CLIP3: variants seen among roughly 807,000 people sequenced by gnomAD.
CLIP3 encodes CAP-Gly domain-containing linker protein 3.
A neutral mutation model predicts 59.4 loss-of-function variants in CLIP3; 15 were observed. The ratio of observed to expected loss-of-function variants is 0.25; its 90% CI spans 0.17 to 0.39. The LOEUF is 0.39. Ranked by LOEUF, CLIP3 falls within the 10% of genes least tolerant of loss-of-function variation. The probability of loss-of-function intolerance (pLI) is 1.00; values close to 1 mark genes in which losing one functional copy is unlikely to be tolerated. For synonymous variants in CLIP3, 300 were observed against 321.6 expected, an observed-to-expected ratio of 0.93 and a Z score of 0.72; for missense variants, 495 against 765.7, an observed-to-expected ratio of 0.65 and a Z score of 4.17.
chr19:36,027,092 A>G (rs200373408), intron 3 of CLIP3, 40 bp downstream of exon 3: 6 of 1,592,954 alleles, frequency 3.8e-6, no homozygotes, highest in East Asian at 2.2e-5. Flanking sequence ...CATGTGGGGA[A>G]CCGCATCCCC....
intron 7 of CLIP3, among the ~76,000 whole-genome samples, chr19:36,021,553 A>G (rs1372324135): frequency 6.6e-6 from 1 of 152,062 alleles, no homozygotes; most frequent in Non-Finnish European, 1.5e-5. Flanking sequence ...CCTCCCAAGT[A>G]GCTAGGACTA....
chr19:36,024,657 C>G lies in CLIP3; in HGVS notation c.682-25G>C, dbSNP rs780137994. On this transcript the variant is annotated intron_variant, in intron 6 of 13. Transcript: ENST00000360535. ...TCTGGGGGCCAATGGGAAAAGAAGG[C>G]AGGGACTCAGTGGCACAGGTCACAC... is the stretch of plus-strand genomic sequence containing the variant. 1.9e-6 allele frequency: 3 copies of G among 1,608,824 alleles called. No homozygotes were observed. In the East Asian group the frequency reaches 6.7e-5, roughly 36 times the overall value.
intron 7 of CLIP3, 88 bp from the exon 8 acceptor site, chr19:36,019,394 A>C: frequency 2.6e-6 from 4 of 1,513,254 alleles, no homozygotes; most frequent in Non-Finnish European, 3.6e-6. Context: ...GGTGGGTTGC[A>C]TGAGGCCGCC....
At chr19:36,017,813 C>G in intron 10 of CLIP3, 35 bp from the exon 11 acceptor site, 12 of 1,614,152 alleles carry the variant, frequency 7.4e-6, no homozygotes, top group Non-Finnish European at 1.0e-5. Context: ...TCTCAAGGCC[C>G]TGCCTGCCTC....
rs1268373023 is a variant in CLIP3 at position 36,032,444 on chromosome 19, G to C, written c.-58-29C>G. ...GAGGCAGAGGTCAGCTGGAGAGGGT[G>C]CCCGGCAGGCTCCAGGGTCCAAGCC... On this transcript the variant is annotated intron_variant, in intron 1 of 13. Transcript: ENST00000360535. The surrounding 1 kb of genome is among the most constrained non-coding windows in gnomAD (Gnocchi z 4.3). 5 of 586,484 alleles carry C rather than the reference G, an allele frequency of 8.5e-6. No individual in the cohort carries two copies. The highest frequency in any genetic ancestry group is 1.9e-5 in the African/African-American group (1 of 52,240). 36.3% of individuals were successfully genotyped at this position (586,484 alleles called of 1,614,324 possible).
At chr19:36,019,087 C>T in intron 8 of CLIP3, 61 bp from the exon 9 acceptor site, 4 of 1,597,432 alleles carry the variant, frequency 2.5e-6, no homozygotes, top group Non-Finnish European at 2.6e-6. Flanking sequence ...CCCCATCCTC[C>T]ATCCCCTATT....
chr19:36,028,701 CAA>C (rs1276989705), intron 2 of CLIP3, among the ~76,000 whole-genome samples: 1 of 152,140 alleles, frequency 6.6e-6, no homozygotes, highest in Non-Finnish European at 1.5e-5. Flanking sequence ...GAGTACAGAC[CAA>C]AGTCTTCCCC....
At chr19:36,019,116 G>C (rs1968883169) in intron 8 of CLIP3, 55 bp downstream of exon 8, 11 of 1,609,730 alleles carry the variant, frequency 6.8e-6, no homozygotes, top group Non-Finnish European at 9.3e-6. Flanking sequence ...AGCAGCATCA[G>C]AACTGCCGAG....
intron 7 of CLIP3, among the ~76,000 whole-genome samples, chr19:36,020,657 G>A (rs1968929251): frequency 6.6e-6 from 1 of 152,076 alleles, no homozygotes; most frequent in Non-Finnish European, 1.5e-5. Flanking sequence ...AATTAAAAAT[G>A]CATTTCCCCA....
intron 2 of CLIP3, among the ~76,000 whole-genome samples, chr19:36,029,197 G>A (rs969265532): frequency 1.3e-5 from 2 of 149,594 alleles, no homozygotes; most frequent in African/African-American, 4.9e-5. Flanking sequence ...GTGAGTGCCT[G>A]TAATCCCAGC....
Position 36,024,557 on chromosome 19 carries a change from G to C in CLIP3, c.757C>G (p.Leu253Val), listed in dbSNP as rs1276217491. ...AGCGTCCGCAGCTCCTTGGCCACCA[G>C]TGCCGCCTCTGCCTTGTCCAGGGAC... ...DMSLDKAEAA[L>V]VAKELRTLLE... The change falls in exon 7 of 14, where the codon CTG becomes GTG. Residue 253 changes from leucine to valine, a missense_variant. Leu to Val is a conservative substitution (Grantham distance 32). Coordinates refer to ENST00000360535, the MANE Select transcript of CLIP3 (RefSeq NM_015526.3). The C allele has an allele frequency of 5.3e-5, 85 of 1,614,246 alleles. No individual in the cohort carries two copies. The highest frequency in any genetic ancestry group is 7.2e-5 in the Non-Finnish European group (85 of 1,180,042).
At chr19:36,017,821 C>T in intron 10 of CLIP3, 27 bp downstream of exon 10, 1 of 1,614,170 alleles carries the variant, frequency 6.2e-7, no homozygotes, top group South Asian at 1.1e-5. Context: ...CCCTGCCTGC[C>T]TCCCGGCCCA....
In CLIP3 at chr19:36,032,213, C is replaced by T; in HGVS notation, c.145G>A (p.Ala49Thr). The T allele has an allele frequency of 7.7e-7, 1 of 1,294,476 alleles. No individual in the cohort carries two copies. The allele number at this position is 1,294,476 out of a possible 1,614,324, so 80.2% of individuals were successfully genotyped here. ...TTACCGTAGTCCTTAGGGAGGGGGG[C>T]AGGTGCCGAGGGGTGCACAACAGGC... ...QKPVVHPSAP[A>T]PLPKDYAFTF... Residue 49 changes from alanine (A) to threonine (T), a missense_variant, in exon 2 of 14, where the codon GCC becomes ACC. Transcript: ENST00000360535. This position sits in a 1 kb window ranked among gnomAD's most constrained non-coding sequence, Gnocchi z 4.3.
rs1162430620 is a variant in CLIP3, at chr19:36,016,606, C to T, written c.1589+301G>A. Among the ~76,000 whole-genome samples the T allele has an allele frequency of 1.3e-5, 2 of 152,200 alleles. No individual in the cohort carries two copies. The highest frequency in any genetic ancestry group is 2.4e-5 in the African/African-American group (1 of 41,458). On this transcript the variant is annotated intron_variant, in intron 13 of 13. Coordinates refer to ENST00000360535, the MANE Select transcript of CLIP3 (RefSeq NM_015526.3). The surrounding 1 kb of genome is among the most constrained non-coding windows in gnomAD (Gnocchi z 4.1). Reference sequence around the variant, plus strand: ...CAGGTGATCCGCCTGCCTTGGCCTCCCAAAGTGCTGGGATTAAAGGCATGA... The same window carrying T: ...CAGGTGATCCGCCTGCCTTGGCCTCTCAAAGTGCTGGGATTAAAGGCATGA...
intron 7 of CLIP3, among the ~76,000 whole-genome samples, chr19:36,021,707 A>G (rs968843945): frequency 1.3e-5 from 2 of 151,986 alleles, no homozygotes; most frequent in Non-Finnish European, 2.9e-5. Flanking sequence ...TACAGGCATG[A>G]GCCACCACAT....
chr19:36,016,031 G>T lies in CLIP3; in HGVS notation c.*127C>A. ...AATAATGGGGCCTCAATGATCGAGGGCTGGCTAACAGGGGTCTCTACTCTG... is the reference window on the plus strand; with the variant it reads ...AATAATGGGGCCTCAATGATCGAGGTCTGGCTAACAGGGGTCTCTACTCTG... On this transcript the variant is annotated 3_prime_UTR_variant, in exon 14 of 14. Coordinates refer to ENST00000360535, the MANE Select transcript of CLIP3 (RefSeq NM_015526.3). This position sits in a 1 kb window ranked among gnomAD's most constrained non-coding sequence, Gnocchi z 4.1. The T allele has an allele frequency of 1.1e-6, 1 of 923,418 alleles. No homozygotes were observed. The highest frequency in any genetic ancestry group is 1.7e-6 in the Non-Finnish European group (1 of 575,300). 57.2% of individuals were successfully genotyped at this position (923,418 alleles called of 1,614,324 possible).
rs775102781 is a variant in CLIP3, at chr19:36,024,447, A to T, written c.867T>A (p.Leu289=). Residue 289 remains leucine, a synonymous_variant, in exon 7 of 14, where the codon CTT becomes CTA. Transcript: ENST00000360535. The stretch of plus-strand genomic sequence containing the variant: ...CTCCCAGGCGCAAGCCCAGTGCGCT[A>T]AGCATGAGATTGCCTGGGACGTTGT... ...NYDNVPGNLM[L]SALGLRLGDR... The T allele has an allele frequency of 6.2e-7, 1 of 1,614,214 alleles. No homozygotes were observed. Among genetic ancestry groups the T allele is most frequent in the South Asian group, 1.1e-5 (1 of 91,088 alleles).
intron 9 of CLIP3, 61 bp from the exon 10 acceptor site, chr19:36,018,052 G>A (rs1197232139): frequency 1.3e-6 from 2 of 1,589,302 alleles, no homozygotes; most frequent in Non-Finnish European, 1.7e-6. Context: ...GGAACCTCGT[G>A]CCACCTGGAA....
At chr19:36,022,881 C>T (rs963903453) in intron 7 of CLIP3, among the ~76,000 whole-genome samples, 1 of 152,030 alleles carries the variant, frequency 6.6e-6, no homozygotes, top group African/African-American at 2.4e-5. Context: ...CAGTGACACC[C>T]TCTCTCTACT....
Sources: gnomAD v4.1 joint callset for allele counts (sites outside exome capture counted in the v4.1 genomes callset) on GRCh38, gnomAD v4.1.1 for gene constraint, Gnocchi (gnomAD v3.1) non-coding constraint, MANE v1.5 for transcripts, NCBI Gene and HGNC (gene_info 2026-07-23, HGNC 2026-07-21) for gene names.